KCNN2: variants seen among roughly 807,000 people sequenced by gnomAD.
KCNN2 encodes the protein small conductance calcium-activated potassium channel protein 2.
KCNN2 carries 24 observed loss-of-function variants against 55.5 expected under a neutral mutation model. The ratio of observed to expected loss-of-function variants is 0.43; its 90% confidence interval spans 0.31 to 0.61. The LOEUF is 0.61. Ranked by LOEUF, KCNN2 falls within the 20% of genes least tolerant of loss-of-function variation. KCNN2 has a pLI of 0.08. For missense variants in KCNN2, 754 were observed against 853.6 expected (o/e 0.88, Z 1.45); for synonymous variants, 431 against 336.1 (o/e 1.28, Z -3.09).
intron 1 of KCNN2, among the ~76,000 whole-genome samples, chr5:114,159,446 A>T (rs536115401): frequency 5.9e-5 from 9 of 152,212 alleles, no homozygotes; most frequent in African/African-American, 2.2e-4. Flanking sequence ...TTCATCAAGG[A>T]TATTGGTTTA....
chr5:114,415,007 C>A (rs1480869957), intron 3 of KCNN2, among the ~76,000 whole-genome samples: 1 of 152,180 alleles, frequency 6.6e-6, no homozygotes, highest in Non-Finnish European at 1.5e-5. Context: ...TTCCAGGTGA[C>A]CACTAATATA....
chr5:114,321,099 G>T (rs1231628626), intron 2 of KCNN2, among the ~76,000 whole-genome samples: 1 of 152,154 alleles, frequency 6.6e-6, no homozygotes, highest in African/African-American at 2.4e-5. Context: ...CCACGTCTTT[G>T]CATAGAGAGG....
intron 2 of KCNN2, among the ~76,000 whole-genome samples, chr5:114,294,483 T>C (rs1755965498): frequency 1.3e-5 from 2 of 152,212 alleles, no homozygotes; most frequent in Non-Finnish European, 2.9e-5. Flanking sequence ...GTTGTTCAGT[T>C]TCCATGTAGT....
chr5:114,383,886 A>G lies in KCNN2; in HGVS notation c.1218+19885A>G, dbSNP rs189167208. ...TGTGTTTGCCTCATGCTTTATGGCT[A>G]TTTTTTAGAAAGCTAAAATAACTAA... On this transcript the variant is annotated intron_variant, in intron 2 of 7. Transcript: ENST00000673685. 5.3e-5 allele frequency among the ~76,000 whole-genome samples: 8 copies of G among 152,304 alleles called. No individual in the cohort carries two copies. In the East Asian group the frequency reaches 1.2e-3, roughly 22 times the overall value.
intron 1 of KCNN2, among the ~76,000 whole-genome samples, chr5:114,217,146 T>A (rs1754023550): frequency 6.6e-6 from 1 of 152,118 alleles, no homozygotes; most frequent in African/African-American, 2.4e-5. Context: ...TGTTCATGAA[T>A]GGGAAAACTC....
intron 2 of KCNN2, among the ~76,000 whole-genome samples, chr5:114,354,900 T>C (rs1268434459): frequency 6.6e-6 from 1 of 152,202 alleles, no homozygotes; most frequent in African/African-American, 2.4e-5. Flanking sequence ...ACAAAAGTGC[T>C]AATGGATTTA....
At chr5:114,210,119 T>C (rs1314108216) in intron 1 of KCNN2, among the ~76,000 whole-genome samples, 1 of 152,182 alleles carries the variant, frequency 6.6e-6, no homozygotes. Flanking sequence ...TTTGCATTTT[T>C]GTGCTTTTTG....
intron 2 of KCNN2, among the ~76,000 whole-genome samples, chr5:114,398,198 T>C (rs1016232391): frequency 6.6e-6 from 1 of 152,202 alleles, no homozygotes; most frequent in African/African-American, 2.4e-5. Flanking sequence ...TTAGAATTGA[T>C]TTTTGTATAT....
intron 3 of KCNN2, among the ~76,000 whole-genome samples, chr5:114,446,947 C>T (rs1760435370): frequency 6.6e-6 from 1 of 152,176 alleles, no homozygotes; most frequent in African/African-American, 2.4e-5. Flanking sequence ...ATGACATAAA[C>T]TTAAAAATCT....
At chr5:114,178,811 T>C (rs919162921) in intron 1 of KCNN2, among the ~76,000 whole-genome samples, 4 of 152,210 alleles carry the variant, frequency 2.6e-5, no homozygotes, top group African/African-American at 7.2e-5. Context: ...CATGTGAATG[T>C]ATTCAGTTTA....
intron 2 of KCNN2, among the ~76,000 whole-genome samples, chr5:114,325,769 C>T (rs1190067854): frequency 1.3e-5 from 2 of 152,162 alleles, no homozygotes; most frequent in African/African-American, 2.4e-5. Context: ...TGGATCTGTG[C>T]CCTGGTCTGG....
At chr5:114,192,247 G>C (rs1454528359) in intron 1 of KCNN2, among the ~76,000 whole-genome samples, 1 of 152,114 alleles carries the variant, frequency 6.6e-6, no homozygotes, top group African/African-American at 2.4e-5. Flanking sequence ...CACATCACGT[G>C]ACTTTTAATG....
At chr5:114,317,457 G>A (rs2150028159) in intron 2 of KCNN2, among the ~76,000 whole-genome samples, 1 of 152,250 alleles carries the variant, frequency 6.6e-6, no homozygotes, top group South Asian at 2.1e-4. Flanking sequence ...ATTATTCATT[G>A]TTTAAAGTGT....
intron 2 of KCNN2, among the ~76,000 whole-genome samples, chr5:114,311,915 A>G (rs961408968): frequency 1.3e-5 from 2 of 152,178 alleles, no homozygotes; most frequent in Non-Finnish European, 2.9e-5. Context: ...GCCTAATAAA[A>G]TGAGGAATGC....
chr5:114,434,215 T>C lies in KCNN2; in HGVS notation c.1638-28834T>C, dbSNP rs368647101. Reference sequence around the variant, plus strand: ...TGTTTGGGAGGTTTCTATTGAAATATCTTCAAGCTCAGAGATTTTTTTTTC... The same window carrying C: ...TGTTTGGGAGGTTTCTATTGAAATACCTTCAAGCTCAGAGATTTTTTTTTC... On this transcript the variant is annotated intron_variant, in intron 3 of 7. Transcript: ENST00000673685. Among the ~76,000 whole-genome samples, 13 of 151,758 alleles carry C rather than the reference T, an allele frequency of 8.6e-5. 1 individual carries two copies. The South Asian group carries it at 2.7e-3, about 32-fold the overall frequency.
intron 1 of KCNN2, among the ~76,000 whole-genome samples, chr5:114,127,319 AT>A (rs1751957956): frequency 6.6e-6 from 1 of 152,164 alleles, no homozygotes; most frequent in Non-Finnish European, 1.5e-5. Context: ...CTGCCTGAAC[AT>A]GCAGGCGTTT....
In KCNN2 at chr5:114,296,223, A is replaced by T. The variant is rs1184662591; in HGVS notation, c.-184-64722A>T. ...CTAAGTTAAAGGAGGGAGAATGAGT[A>T]ACCTCTTATAGCCTATCAGAAGTCA... On this transcript the variant is annotated intron_variant, in intron 2 of 10. Transcript: ENST00000512097. 2.0e-5 allele frequency among the ~76,000 whole-genome samples: 3 copies of T among 152,206 alleles called. No individual in the cohort carries two copies. In the East Asian group the frequency reaches 5.8e-4, roughly 29 times the overall value.
chr5:114,061,700 G>T (rs1012051668), intron 1 of KCNN2, among the ~76,000 whole-genome samples: 3 of 152,098 alleles, frequency 2.0e-5, no homozygotes, highest in Non-Finnish European at 4.4e-5. Flanking sequence ...GCATTCAGGT[G>T]GGTTTGTGCA....
At chr5:114,153,951 T>C (rs1300898315) in intron 1 of KCNN2, among the ~76,000 whole-genome samples, 1 of 152,116 alleles carries the variant, frequency 6.6e-6, no homozygotes, top group Non-Finnish European at 1.5e-5. Flanking sequence ...TAGACAACCC[T>C]CTCCTAAGTT....
Sources: gnomAD v4.1 joint callset for allele counts (sites outside exome capture counted in the v4.1 genomes callset) on GRCh38, gnomAD v4.1.1 for gene constraint, MANE v1.5 for transcripts, NCBI Gene and HGNC (gene_info 2026-07-23, HGNC 2026-07-21) for gene names.